The following HCN1 variants were observed in gnomAD, a reference collection of about 807,000 sequenced individuals.
HCN1 encodes the protein potassium/sodium hyperpolarization-activated cyclic nucleotide-gated channel 1.
HCN1 carries 13 observed loss-of-function variants against 78.9 expected under a neutral mutation model. The observed-to-expected ratio is 0.16, with a 90% CI of 0.11 to 0.26. The LOEUF is 0.26. Ranked by LOEUF, HCN1 falls within the 10% of genes least tolerant of loss-of-function variation. The pLI is 1.00. For missense variants in HCN1, 810 were observed against 1,154.3 expected (o/e 0.70, Z 4.32); for synonymous variants, 552 against 455.5 (o/e 1.21, Z -2.70).
At chr5:45,666,501 C>T (rs1353836591) in intron 1 of HCN1, among the ~76,000 whole-genome samples, 1 of 152,006 alleles carries the variant, frequency 6.6e-6, no homozygotes, top group African/African-American at 2.4e-5. Flanking sequence ...CCCAAATGAG[C>T]ATTCATAGAC....
At chr5:45,314,102 G>A (rs1745921074) in intron 5 of HCN1, among the ~76,000 whole-genome samples, 3 of 152,110 alleles carry the variant, frequency 2.0e-5, no homozygotes, top group Non-Finnish European at 2.9e-5. Context: ...AATGGTAAGG[G>A]CAGCCAGAGA....
At chr5:45,401,407 T>C (rs187991973) in intron 3 of HCN1, among the ~76,000 whole-genome samples, 57 of 152,256 alleles carry the variant, frequency 3.7e-4, no homozygotes, top group Non-Finnish European at 2.4e-4. Context: ...CTTTAACTGA[T>C]ATGTGCTATA....
intron 3 of HCN1, among the ~76,000 whole-genome samples, chr5:45,431,869 A>G (rs904608180): frequency 6.6e-6 from 1 of 152,134 alleles, no homozygotes; most frequent in Non-Finnish European, 1.5e-5. Flanking sequence ...GGATAACATG[A>G]TGCCTCCAGC....
intron 3 of HCN1, among the ~76,000 whole-genome samples, chr5:45,425,383 A>C (rs1232213204): frequency 1.3e-5 from 2 of 152,226 alleles, no homozygotes; most frequent in African/African-American, 4.8e-5. Flanking sequence ...CTTTGACATT[A>C]ATTACAAAAG....
chr5:45,423,951 T>C (rs1172340503), intron 3 of HCN1, among the ~76,000 whole-genome samples: 2 of 151,906 alleles, frequency 1.3e-5, no homozygotes, highest in Non-Finnish European at 2.9e-5. Context: ...AAGTGCTCCA[T>C]AAAAATTGAT....
chr5:45,468,072 A>T (rs541809233), intron 2 of HCN1, among the ~76,000 whole-genome samples: 8 of 152,172 alleles, frequency 5.3e-5, no homozygotes, highest in African/African-American at 1.7e-4. Context: ...TTTCATAGCT[A>T]CTCTGGGCCT....
intron 3 of HCN1, among the ~76,000 whole-genome samples, chr5:45,401,558 AG>A (rs1423886941): frequency 1.3e-5 from 2 of 152,052 alleles, no homozygotes; most frequent in Non-Finnish European, 2.9e-5. Context: ...ATGATTAAAA[AG>A]CTATCTCTAA....
intron 3 of HCN1, among the ~76,000 whole-genome samples, chr5:45,431,567 G>A (rs948974120): frequency 6.6e-6 from 1 of 152,082 alleles, no homozygotes; most frequent in African/African-American, 2.4e-5. Flanking sequence ...ACAGTTTTAG[G>A]TTCTATATTT....
chr5:45,689,217 C>T (rs1213313208), intron 1 of HCN1, among the ~76,000 whole-genome samples: 3 of 151,888 alleles, frequency 2.0e-5, no homozygotes, highest in Non-Finnish European at 2.9e-5. Flanking sequence ...ATGATCTGTG[C>T]AGCAAACTAC....
intron 1 of HCN1, among the ~76,000 whole-genome samples, chr5:45,663,069 A>G (rs1039601289): frequency 2.9e-4 from 44 of 150,016 alleles, no homozygotes; most frequent in African/African-American, 1.0e-3. Flanking sequence ...TTACAAGGCT[A>G]CAGTAACCAA....
chr5:45,521,838 A>G (rs984436315), intron 2 of HCN1, among the ~76,000 whole-genome samples: 3 of 152,068 alleles, frequency 2.0e-5, no homozygotes, highest in African/African-American at 7.2e-5. Flanking sequence ...TTCACTAATC[A>G]TTAATCAGCT....
chr5:45,316,067 A>T (rs911093440), intron 5 of HCN1, among the ~76,000 whole-genome samples: 7 of 152,226 alleles, frequency 4.6e-5, no homozygotes, highest in African/African-American at 1.7e-4. Context: ...TCATTTTATG[A>T]GGCCAGCATC....
intron 2 of HCN1, among the ~76,000 whole-genome samples, chr5:45,506,523 TA>T (rs1331088968): frequency 1.3e-5 from 2 of 152,062 alleles, no homozygotes; most frequent in Non-Finnish European, 2.9e-5. Flanking sequence ...ATAAAAAATT[TA>T]AAAATGCAAA....
intron 6 of HCN1, among the ~76,000 whole-genome samples, chr5:45,279,332 T>C (rs1235499755): frequency 6.6e-6 from 1 of 152,176 alleles, no homozygotes; most frequent in East Asian, 1.9e-4. Flanking sequence ...CACACACTCA[T>C]TGTTTCAAAG....
intron 3 of HCN1, among the ~76,000 whole-genome samples, chr5:45,457,795 G>A (rs1228630373): frequency 3.3e-5 from 5 of 152,194 alleles, no homozygotes; most frequent in Non-Finnish European, 2.9e-5. Flanking sequence ...AAGAGAGCTG[G>A]AGATAGCCAA....
intron 2 of HCN1, among the ~76,000 whole-genome samples, chr5:45,626,179 A>C (rs2112003813): frequency 6.6e-6 from 1 of 152,336 alleles, no homozygotes; most frequent in East Asian, 1.9e-4. Flanking sequence ...TGTCAATCAC[A>C]CCACTTTGCT....
At position 45,627,062 on chromosome 5, in the gene HCN1, T is replaced by C. The variant is rs980401686; in HGVS notation, c.849+18123A>G. Among the ~76,000 whole-genome samples the C allele has an allele frequency of 2.0e-5, 3 of 152,028 alleles. No individual in the cohort carries two copies. The East Asian group carries it at 5.8e-4, about 29-fold the overall frequency. ...GTCCATTCATTTTCCTGCACTTCTG[T>C]TCCAAATATATTTCTCAAAGTCAAA... On this transcript the variant is annotated intron_variant, in intron 2 of 7. Coordinates refer to ENST00000303230, the MANE Select transcript of HCN1 (RefSeq NM_021072.4).
intron 2 of HCN1, among the ~76,000 whole-genome samples, chr5:45,550,454 C>T (rs926661623): frequency 3.9e-5 from 6 of 152,042 alleles, no homozygotes; most frequent in Non-Finnish European, 8.8e-5. Flanking sequence ...AATGAGAACA[C>T]GTGGACACAG....
chr5:45,301,419 A>C (rs1341789633), intron 6 of HCN1, among the ~76,000 whole-genome samples: 1 of 151,494 alleles, frequency 6.6e-6, no homozygotes, highest in East Asian at 1.9e-4. Flanking sequence ...AATAGATAAA[A>C]ATGTGAAAAG....
Sources: allele counts gnomAD v4.1 joint callset (sites outside exome capture counted in the v4.1 genomes callset), GRCh38; gene constraint gnomAD v4.1.1; transcripts MANE v1.5; gene names NCBI Gene and HGNC (gene_info 2026-07-23, HGNC 2026-07-21).